LCN10: variants seen among roughly 807,000 people sequenced by gnomAD.
LCN10 encodes epididymal-specific lipocalin-10.
Under a neutral mutation model 25.1 loss-of-function variants are expected in LCN10, and 18 were observed. The observed-to-expected ratio is 0.72, with a 90% confidence interval of 0.50 to 1.06. The LOEUF (loss-of-function observed/expected upper bound fraction) is 1.06. Among genes scored for constraint, LCN10 ranks in the 50% least tolerant of loss-of-function variants. The probability of loss-of-function intolerance (pLI) is 0.00; values close to 1 mark genes in which losing one functional copy is unlikely to be tolerated. For missense variants in LCN10, 257 were observed against 258.9 expected (o/e 0.99, Z 0.05); for synonymous variants, 130 against 116.7 (o/e 1.11, Z -0.73).
intron 3 of LCN10, 104 bp from the exon 4 acceptor site, chr9:136,741,047 G>A (rs781770794): frequency 8.9e-7 from 1 of 1,118,696 alleles, no homozygotes; most frequent in African/African-American, 1.5e-5. Context: ...CCCCACCCAG[G>A]TGCAGGTGTC....
intron 1 of LCN10, 127 bp downstream of exon 1, chr9:136,742,660 G>A (rs984301150): frequency 8.3e-6 from 10 of 1,202,474 alleles, no homozygotes; most frequent in Non-Finnish European, 1.0e-5. Context: ...GAGAGGCCAG[G>A]TGGGCAGCGC....
intron 3 of LCN10, 112 bp downstream of exon 3, chr9:136,741,140 C>T: frequency 9.1e-7 from 1 of 1,099,030 alleles, no homozygotes; most frequent in African/African-American, 1.5e-5. Context: ...GGGAACACAG[C>T]CAGCCTGACG....
At chr9:136,741,029 C>A in intron 3 of LCN10, 86 bp from the exon 4 acceptor site, 1 of 1,238,420 alleles carries the variant, frequency 8.1e-7, no homozygotes, top group African/African-American at 1.5e-5. Flanking sequence ...TGCCCGAGGC[C>A]TCAGAGCCCC....
rs1846971300 is a variant in LCN10, at chr9:136,742,859, C to T, written c.45G>A (p.Val15=). 1 of 1,613,398 alleles carries T rather than the reference C, an allele frequency of 6.2e-7. No individual in the cohort carries two copies. Among genetic ancestry groups the T allele is most frequent in the African/African-American group, 1.3e-5 (1 of 74,908 alleles). The change falls in exon 1 of 6, where the codon GTG becomes GTA. Residue 15 remains valine (V), a synonymous_variant. Transcript: ENST00000497771. ...LLVLALVLVL[V]LVLAAGSQVQ... is the part of the protein sequence containing the mutation. ...CCTGGGACCCTGCAGCCAGCACTAG[C>T]ACCAGCACCAGCACCAGCGCCAGCA...
Position 136,739,729 on chromosome 9 carries a change from A to G in LCN10, c.575-176T>C, listed in dbSNP as rs1846893031. The G allele has an allele frequency of 1.3e-6, 1 of 740,944 alleles. No homozygotes were observed. The highest frequency in any genetic ancestry group is 1.7e-5 in the African/African-American group (1 of 57,830). 45.9% of individuals were successfully genotyped at this position (740,944 alleles called of 1,614,324 possible). A position where few individuals can be genotyped will look rare whatever the true frequency, so the allele number is the denominator to read the frequency against. ...CACAGCCACGGCATCGCCTGGTCGGATGCAGCATCTGCTCCGGACGCCTCT... is the reference window on the plus strand; with the variant it reads ...CACAGCCACGGCATCGCCTGGTCGGGTGCAGCATCTGCTCCGGACGCCTCT... On this transcript the variant is annotated intron_variant, in intron 5 of 5. Transcript: ENST00000497771. This position sits in a 1 kb window ranked among gnomAD's most constrained non-coding sequence, Gnocchi z 6.1.
Position 136,739,658 on chromosome 9 carries a change from C to T in LCN10, c.575-105G>A. The T allele has an allele frequency of 7.3e-6, 8 of 1,096,814 alleles. No individual in the cohort carries two copies. Among genetic ancestry groups the T allele is most frequent in the Non-Finnish European group, 9.5e-6 (7 of 734,832 alleles). The allele number at this position is 1,096,814 out of a possible 1,614,324, so 67.9% of individuals were successfully genotyped here. A position where few individuals can be genotyped will look rare whatever the true frequency, so the allele number is the denominator to read the frequency against. On this transcript the variant is annotated intron_variant, in intron 5 of 5. Coordinates refer to ENST00000497771, the MANE Select transcript of LCN10 (RefSeq NM_001001712.3). This position sits in a 1 kb window ranked among gnomAD's most constrained non-coding sequence, Gnocchi z 6.1. ...GCTCCCTGGTTCCATGCGTGCTCGT[C>T]TTGGGCACCACGAGAACACAGCCAT...
At position 136,742,187 on chromosome 9, in the gene LCN10, G is replaced by A. The variant is rs181271217; in HGVS notation, c.118-167C>T. On this transcript the variant is annotated intron_variant, in intron 1 of 5. Coordinates refer to ENST00000497771, the MANE Select transcript of LCN10 (RefSeq NM_001001712.3). Reference sequence around the variant, plus strand: ...CCCGGCCACTCAAGCCCTGGCCACTGGAGCAGGGCTGCAGAGAAGCAGGTG... The same window carrying A: ...CCCGGCCACTCAAGCCCTGGCCACTAGAGCAGGGCTGCAGAGAAGCAGGTG... 191 of 801,932 alleles carry A rather than the reference G, an allele frequency of 2.4e-4. No homozygotes were observed. In the Admixed American group the frequency reaches 5.2e-3, roughly 22 times the overall value. 49.7% of individuals were successfully genotyped at this position (801,932 alleles called of 1,614,324 possible).
rs763986466 is a variant in LCN10 at position 136,742,924 on chromosome 9, C to G, written c.-21G>C. The G allele has an allele frequency of 1.9e-6, 3 of 1,611,108 alleles. No individual in the cohort carries two copies. Among genetic ancestry groups the G allele is most frequent in the East Asian group, 4.5e-5 (2 of 44,770 alleles). On this transcript the variant is annotated 5_prime_UTR_variant, in exon 1 of 6. Transcript: ENST00000497771. ...CTCATCTTCACCCTCCTCCCTCAGC[C>G]GCCAAGGCCAGTGTTTAAACCTCTC...
chr9:136,741,842 G>A, intron 2 of LCN10, 39 bp downstream of exon 2: 3 of 1,569,454 alleles, frequency 1.9e-6, no homozygotes, highest in South Asian at 1.2e-5. Context: ...CCTCCTCCTG[G>A]AAGGGGAGAC....
At position 136,740,949 on chromosome 9, in the gene LCN10, A is replaced by G. The variant is rs770549233; in HGVS notation, c.368-6T>C. On this transcript the variant is annotated splice_polypyrimidine_tract_variant and splice_region_variant and intron_variant, in intron 3 of 5. Coordinates refer to ENST00000497771, the MANE Select transcript of LCN10 (RefSeq NM_001001712.3). The surrounding 1 kb of genome is among the most constrained non-coding windows in gnomAD (Gnocchi z 5.3). ...GAAGGCCTTCACCCCTTTCACTGAA[A>G]GAGATGCCCAGAGATGCCCGCTGGT... is the stretch of plus-strand genomic sequence containing the variant. The G allele has an allele frequency of 6.3e-7, 1 of 1,593,430 alleles. No homozygotes were observed. Among genetic ancestry groups the G allele is most frequent in the Non-Finnish European group, 8.6e-7 (1 of 1,161,810 alleles).
intron 2 of LCN10, 123 bp downstream of exon 2, chr9:136,741,758 T>TG: frequency 1.5e-6 from 2 of 1,314,900 alleles, no homozygotes; most frequent in African/African-American, 1.5e-5. Flanking sequence ...GGGGAGGAAG[T>TG]GGGGGGACGG....
rs1305620169 is a variant in LCN10 at position 136,740,898 on chromosome 9, T to C, written c.413A>G (p.Tyr138Cys). 4 of 1,613,728 alleles carry C rather than the reference T, an allele frequency of 2.5e-6. No homozygotes were observed. The highest frequency in any genetic ancestry group is 4.5e-5 in the East Asian group (2 of 44,896). Residue 138 changes from tyrosine to cysteine, a missense_variant, in exon 4 of 6, where the codon TAC (tyrosine) becomes TGC (cysteine). Tyr to Cys is a radical substitution (Grantham distance 194). Coordinates refer to ENST00000497771, the MANE Select transcript of LCN10 (RefSeq NM_001001712.3). The surrounding 1 kb of genome is among the most constrained non-coding windows in gnomAD (Gnocchi z 5.3). ...AFHVLSTDYSYGLVYLRLGRA... is the reference protein window; with the variant it reads ...AFHVLSTDYSCGLVYLRLGRA... ...CCCCAGGCGGAGGTAGACCAAGCCG[T>C]AGCTGTAGTCAGTGGACAGCACGTG... is the stretch of plus-strand genomic sequence containing the variant.
Position 136,739,376 on chromosome 9 carries a change from C to T in LCN10, c.*149G>A, listed in dbSNP as rs193273834. On this transcript the variant is annotated 3_prime_UTR_variant, in exon 6 of 6. Coordinates refer to ENST00000497771, the MANE Select transcript of LCN10 (RefSeq NM_001001712.3). The surrounding 1 kb of genome is among the most constrained non-coding windows in gnomAD (Gnocchi z 6.1). The stretch of plus-strand genomic sequence containing the variant: ...CATCTTTCTGTGATCATAAAGGATC[C>T]CTTGAGCCACTTGATTTTCACACTG... 1.6e-4 allele frequency: 123 copies of T among 786,074 alleles called. No individual in the cohort carries two copies. Among genetic ancestry groups the T allele is most frequent in the Non-Finnish European group, 2.4e-4 (113 of 473,232 alleles). 48.7% of individuals were successfully genotyped at this position (786,074 alleles called of 1,614,324 possible). A position where few individuals can be genotyped will look rare whatever the true frequency, so the allele number is the denominator to read the frequency against.
In LCN10 at chr9:136,740,659, A is replaced by C. The variant is rs1588296630; in HGVS notation, c.475+177T>G. 1.7e-6 allele frequency: 1 copy of C among 572,568 alleles called. No individual in the cohort carries two copies. Among genetic ancestry groups the C allele is most frequent in the Non-Finnish European group, 3.1e-6 (1 of 322,506 alleles). 35.5% of individuals were successfully genotyped at this position (572,568 alleles called of 1,614,324 possible). ...GACGTCCCCTATCCTTGCTTCAGCG[A>C]CCTCCAGGACCTGACTGCTGTGGTC... is the stretch of plus-strand genomic sequence containing the variant. On this transcript the variant is annotated intron_variant, in intron 4 of 5. Transcript: ENST00000497771. The surrounding 1 kb of genome is among the most constrained non-coding windows in gnomAD (Gnocchi z 5.3).
chr9:136,742,872 A>G lies in LCN10; in HGVS notation c.32T>C (p.Val11Ala), dbSNP rs1244874830. MRQGLLVLALVLVLVLVLAAG... is the reference protein window; with the variant it reads MRQGLLVLALALVLVLVLAAG... ...AGCCAGCACTAGCACCAGCACCAGC[A>G]CCAGCGCCAGCACCAGCAGCCCCTG... The change falls in exon 1 of 6, where the codon GTG becomes GCG. Residue 11 changes from valine to alanine, a missense_variant. Coordinates refer to ENST00000497771, the MANE Select transcript of LCN10 (RefSeq NM_001001712.3). 3.7e-6 allele frequency: 6 copies of G among 1,613,296 alleles called. No individual in the cohort carries two copies. The highest frequency in any genetic ancestry group is 2.2e-5 in the East Asian group (1 of 44,892).
At chr9:136,742,055 G>GCCA (rs1846948810) in intron 1 of LCN10, 35 bp from the exon 2 acceptor site, 6 of 1,609,268 alleles carry the variant, frequency 3.7e-6, no homozygotes, top group Non-Finnish European at 5.1e-6. Context: ...GACAGGAGCT[G>GCCA]CCACCGGGGG....
Position 136,740,593 on chromosome 9 carries a change from G to A in LCN10, c.475+243C>T, listed in dbSNP as rs918770317. On this transcript the variant is annotated intron_variant, in intron 4 of 5. Coordinates refer to ENST00000497771, the MANE Select transcript of LCN10 (RefSeq NM_001001712.3). The surrounding 1 kb of genome is among the most constrained non-coding windows in gnomAD (Gnocchi z 5.3). ...ACCCGCCACCATCCTGGTGGCCTCC[G>A]CTCCCCCTGGATGGCCCACCTTTCT... The A allele has an allele frequency of 2.4e-5, 13 of 532,772 alleles. No homozygotes were observed. The highest frequency in any genetic ancestry group is 4.8e-4 in the Middle Eastern group (1 of 2,092). The allele number at this position is 532,772 out of a possible 1,614,324, so 33.0% of individuals were successfully genotyped here. A position where few individuals can be genotyped will look rare whatever the true frequency, so the allele number is the denominator to read the frequency against.
rs371848904 is a variant in LCN10, at chr9:136,740,233, G to A, written c.476-185C>T. ...CCCCACTTACGAGGCAGCCAGGCTC[G>A]GGAAGCCAGGGTCACCACGCTGTCA... On this transcript the variant is annotated intron_variant, in intron 4 of 5. Coordinates refer to ENST00000497771, the MANE Select transcript of LCN10 (RefSeq NM_001001712.3). The surrounding 1 kb of genome is among the most constrained non-coding windows in gnomAD (Gnocchi z 5.3). The A allele has an allele frequency of 1.8e-5, 11 of 610,038 alleles. No individual in the cohort carries two copies. Among genetic ancestry groups the A allele is most frequent in the South Asian group, 5.5e-5 (3 of 54,624 alleles). The allele number at this position is 610,038 out of a possible 1,614,324, so 37.8% of individuals were successfully genotyped here.
chr9:136,741,145 C>A, intron 3 of LCN10, 107 bp downstream of exon 3: 1 of 1,128,748 alleles, frequency 8.9e-7, no homozygotes, highest in African/African-American at 1.5e-5. Flanking sequence ...CACAGCCAGC[C>A]TGACGCCTGC....
Sources: allele counts gnomAD v4.1 joint callset, GRCh38; gene constraint gnomAD v4.1.1; non-coding constraint Gnocchi (gnomAD v3.1); transcripts MANE v1.5; gene names NCBI Gene and HGNC (gene_info 2026-07-23, HGNC 2026-07-21).